The following PDE7B variants were observed in gnomAD, a reference collection of about 807,000 sequenced individuals.
PDE7B encodes the protein 3',5'-cyclic-AMP phosphodiesterase 7B.
In PDE7B, 29 loss-of-function variants were observed where a neutral mutation model predicts 56.2. The ratio of observed to expected loss-of-function variants is 0.52; its 90% CI spans 0.38 to 0.70. The LOEUF is 0.70. PDE7B is among the 30% of genes least tolerant of loss of function. The probability of loss-of-function intolerance (pLI) is 0.00; values close to 1 mark genes in which losing one functional copy is unlikely to be tolerated. For missense variants in PDE7B, 490 were observed against 565.0 expected (o/e 0.87, Z 1.35); for synonymous variants, 197 against 196.9 (o/e 1.00, Z 0.00).
chr6:136,080,870 T>C (rs1156368889), intron 2 of PDE7B, among the ~76,000 whole-genome samples: 2 of 152,124 alleles, frequency 1.3e-5, no homozygotes, highest in Non-Finnish European at 2.9e-5. Flanking sequence ...GAGAGCTGCA[T>C]GGAGGAAGGG....
chr6:136,107,954 C>G (rs889519852), intron 2 of PDE7B, among the ~76,000 whole-genome samples: 1 of 151,968 alleles, frequency 6.6e-6, no homozygotes, highest in South Asian at 2.1e-4. Flanking sequence ...TGGTGATACC[C>G]TGTCTCTACT....
chr6:136,063,142 G>C (rs1270121290), intron 2 of PDE7B, among the ~76,000 whole-genome samples: 1 of 152,142 alleles, frequency 6.6e-6, no homozygotes, highest in African/African-American at 2.4e-5. Flanking sequence ...CAAAAAACAA[G>C]GTTCTAAAAT....
intron 1 of PDE7B, among the ~76,000 whole-genome samples, chr6:135,893,115 C>A (rs1030903642): frequency 6.6e-6 from 1 of 151,902 alleles, no homozygotes; most frequent in Non-Finnish European, 1.5e-5. Flanking sequence ...ATGTGCACAA[C>A]GTGCAGGTTT....
intron 1 of PDE7B, among the ~76,000 whole-genome samples, chr6:135,855,790 G>A (rs1014474451): frequency 3.9e-5 from 6 of 152,140 alleles, no homozygotes; most frequent in African/African-American, 1.4e-4. Flanking sequence ...TCTGATACAA[G>A]CCAACAAGGT....
chr6:136,187,958 A>C (rs375533128), intron 12 of PDE7B, among the ~76,000 whole-genome samples: 4 of 152,322 alleles, frequency 2.6e-5, no homozygotes, highest in African/African-American at 9.6e-5. Flanking sequence ...GTACCAGTTC[A>C]TGTTTTATAC....
intron 2 of PDE7B, among the ~76,000 whole-genome samples, chr6:136,024,157 T>C (rs1776113812): frequency 5.9e-5 from 9 of 152,232 alleles, no homozygotes. Context: ...TCACTGTTGA[T>C]GGCTATATAT....
At chr6:136,134,735 A>C (rs1458017958) in intron 3 of PDE7B, among the ~76,000 whole-genome samples, 1 of 10,168 alleles carries the variant, frequency 9.8e-5, no homozygotes, top group African/African-American at 5.5e-4. Context: ...TATGGTAGGC[A>C]AAAAAAAAAA....
intron 1 of PDE7B, among the ~76,000 whole-genome samples, chr6:135,920,230 T>C (rs1774047117): frequency 6.6e-6 from 1 of 152,126 alleles, no homozygotes; most frequent in East Asian, 1.9e-4. Context: ...AAATAGAAAA[T>C]GTGCCTATAT....
chr6:135,859,944 A>AT (rs915682523), intron 1 of PDE7B, among the ~76,000 whole-genome samples: 7 of 151,846 alleles, frequency 4.6e-5, no homozygotes, highest in African/African-American at 1.7e-4. Context: ...TGAGGATTCC[A>AT]TTTTTTTTCC....
At chr6:136,082,070 A>G (rs1777216376) in intron 2 of PDE7B, among the ~76,000 whole-genome samples, 1 of 152,206 alleles carries the variant, frequency 6.6e-6, no homozygotes, top group African/African-American at 2.4e-5. Flanking sequence ...ACACTCTGAG[A>G]AGCATTTATT....
intron 2 of PDE7B, among the ~76,000 whole-genome samples, chr6:136,079,388 G>T (rs1486155238): frequency 6.6e-6 from 1 of 152,014 alleles, no homozygotes; most frequent in Non-Finnish European, 1.5e-5. Flanking sequence ...GTCATGTGTG[G>T]CTAAACTTGA....
At chr6:136,135,903 G>A (rs3799387) in intron 3 of PDE7B, among the ~76,000 whole-genome samples, 5,584 of 152,086 alleles carry the variant, frequency 0.037, 347 homozygotes, top group African/African-American at 0.12. Flanking sequence ...GTCAAAGTCC[G>A]TACTGTAAGT....
At position 136,119,065 on chromosome 6, in the gene PDE7B, G is replaced by A. The variant is rs1368340517; in HGVS notation, c.166+10251G>A. 2.0e-5 allele frequency among the ~76,000 whole-genome samples: 3 copies of A among 152,300 alleles called. No homozygotes were observed. In the East Asian group the frequency reaches 5.8e-4, roughly 29 times the overall value. On this transcript the variant is annotated intron_variant, in intron 3 of 12. Transcript: ENST00000308191. Reference sequence around the variant, plus strand: ...TTGTAAGCTGCCCCCAAAGAAGAAGGAAATGGAATCGCTATTGTGACAAAT... The same window carrying A: ...TTGTAAGCTGCCCCCAAAGAAGAAGAAAATGGAATCGCTATTGTGACAAAT...
chr6:135,950,535 G>C (rs1042438246), intron 2 of PDE7B, among the ~76,000 whole-genome samples: 1 of 151,750 alleles, frequency 6.6e-6, no homozygotes, highest in Admixed American at 6.6e-5. Flanking sequence ...CAAATATATG[G>C]GGCCACCTCA....
intron 2 of PDE7B, among the ~76,000 whole-genome samples, chr6:136,004,786 AT>A (rs1195944118): frequency 2.0e-5 from 3 of 152,168 alleles, no homozygotes; most frequent in Non-Finnish European, 4.4e-5. Flanking sequence ...GCCCAAGGTA[AT>A]TTATAGATTC....
At chr6:136,100,717 G>A (rs1777546654) in intron 2 of PDE7B, among the ~76,000 whole-genome samples, 1 of 152,188 alleles carries the variant, frequency 6.6e-6, no homozygotes, top group Non-Finnish European at 1.5e-5. Context: ...TCTGCAAACA[G>A]AGACAATTTG....
intron 2 of PDE7B, among the ~76,000 whole-genome samples, chr6:136,002,935 G>C (rs906196978): frequency 1.3e-5 from 2 of 151,718 alleles, no homozygotes; most frequent in African/African-American, 2.4e-5. Flanking sequence ...TTCCAAAATT[G>C]ACCACATACT....
At chr6:135,997,681 A>G (rs1775590685) in intron 2 of PDE7B, among the ~76,000 whole-genome samples, 1 of 152,096 alleles carries the variant, frequency 6.6e-6, no homozygotes. Flanking sequence ...CATATGTTGA[A>G]ACATCATTAA....
At chr6:135,893,974 C>T (rs866059563) in intron 1 of PDE7B, among the ~76,000 whole-genome samples, 12 of 152,004 alleles carry the variant, frequency 7.9e-5, no homozygotes, top group South Asian at 2.1e-4. Flanking sequence ...AAACTTGATC[C>T]GTTTATATAT....
Sources: gnomAD v4.1 joint callset for allele counts (sites outside exome capture counted in the v4.1 genomes callset) on GRCh38, gnomAD v4.1.1 for gene constraint, MANE v1.5 for transcripts, NCBI Gene and HGNC (gene_info 2026-07-23, HGNC 2026-07-21) for gene names.